ZFHX4: variants seen among roughly 807,000 people sequenced by gnomAD.
ZFHX4 encodes the protein zinc finger homeobox protein 4.
In ZFHX4, 56 loss-of-function variants were observed where a neutral mutation model predicts 267.6. That is an observed-to-expected ratio of 0.21 (90% confidence interval 0.17 to 0.26). ZFHX4 has a LOEUF of 0.26. Ranked by LOEUF, ZFHX4 falls within the 10% of genes least tolerant of loss-of-function variation. The probability of loss-of-function intolerance (pLI) is 1.00; values close to 1 mark genes in which losing one functional copy is unlikely to be tolerated. For synonymous variants in ZFHX4, 1,778 were observed against 1,665.6 expected (o/e 1.07, Z -1.64); for missense variants, 4,332 against 4,420.0 (o/e 0.98, Z 0.56).
At position 76,855,652 on chromosome 8, in the gene ZFHX4, A is replaced by G. The variant is rs759607265; in HGVS notation, c.8731A>G (p.Asn2911Asp). The G allele has an allele frequency of 7.4e-6, 12 of 1,613,758 alleles. No homozygotes were observed. The highest frequency in any genetic ancestry group is 9.3e-6 in the Non-Finnish European group (11 of 1,179,850). The stretch of plus-strand genomic sequence containing the variant: ...CAGCATAGCGGACCCGAGCTCCCCA[A>G]ATCCATTCGGATCCAGCAATCCCTT... ...TSSIADPSSP[N>D]PFGSSNPFKS... is the part of the protein sequence containing the mutation. Residue 2911 changes from asparagine (N) to aspartate (D), a missense_variant, in exon 10 of 11, where the codon AAT (asparagine) becomes GAT (aspartate). By Grantham distance (23) the Asn-to-Asp change is conservative. Around this residue, in one of 7 missense-constraint regions of ZFHX4, gnomAD observed 1,648 missense variants for 1,625.0 expected, o/e 1.01. Coordinates refer to ENST00000651372, the MANE Select transcript of ZFHX4 (RefSeq NM_024721.5).
At chr8:76,835,231 A>ATATATACG (rs1812048010) in intron 5 of ZFHX4, among the ~76,000 whole-genome samples, 4 of 124,790 alleles carry the variant, frequency 3.2e-5, no homozygotes, top group Admixed American at 2.5e-4. Context: ...ATATATATAT[A>ATATATACG]TATATATATG....
At chr8:76,832,002 T>TG (rs5892567) in intron 4 of ZFHX4, among the ~76,000 whole-genome samples, 67,490 of 143,902 alleles carry the variant, frequency 0.47, 16,850 homozygotes, top group African/African-American at 0.66. Context: ...GTTTTTTTAG[T>TG]GGGGGGGGGC....
At chr8:76,819,781 T>G (rs1811600655) in intron 4 of ZFHX4, among the ~76,000 whole-genome samples, 1 of 152,224 alleles carries the variant, frequency 6.6e-6, no homozygotes, top group African/African-American at 2.4e-5. Flanking sequence ...TATTACATTC[T>G]AATTTTGTGG....
intron 4 of ZFHX4, among the ~76,000 whole-genome samples, chr8:76,821,166 T>C (rs1811638844): frequency 6.6e-6 from 1 of 152,122 alleles, no homozygotes; most frequent in Admixed American, 6.6e-5. Context: ...TGCTTCACTC[T>C]CTTCTGCATT....
At position 76,866,817 on chromosome 8, in the gene ZFHX4, A is replaced by AAT. The variant is rs397692769; in HGVS notation, c.*2252_*2253insAT. The AAT allele has an allele frequency of 6.6e-6, 1 of 151,952 alleles. No homozygotes were observed. The highest frequency in any genetic ancestry group is 1.5e-5 in the Non-Finnish European group (1 of 67,878). The allele number at this position is 151,952 out of a possible 1,614,324, so 9.4% of individuals were successfully genotyped here. ...AAAAAAGAAAAAAAAAAGAAAAAAA[A>AAT]CTTTAACTGGATGGACGTTGTTAGG... On this transcript the variant is annotated 3_prime_UTR_variant, in exon 11 of 11. Coordinates refer to ENST00000651372, the MANE Select transcript of ZFHX4 (RefSeq NM_024721.5).
rs1812537517 is a variant in ZFHX4, at chr8:76,851,905, G to A, written c.4984G>A (p.Asp1662Asn). ...SMSLAAVNSKDTHLDAKELNK... is the reference protein window; with the variant it reads ...SMSLAAVNSKNTHLDAKELNK... Reference sequence around the variant, plus strand: ...GAGTTTAGCAGCTGTAAACAGCAAAGATACCCATTTAGATGCCAAAGAATT... The same window carrying A: ...GAGTTTAGCAGCTGTAAACAGCAAAAATACCCATTTAGATGCCAAAGAATT... Residue 1662 changes from aspartate (D) to asparagine (N), a missense_variant, in exon 10 of 11, where the codon GAT (aspartate) becomes AAT (asparagine). By Grantham distance (23) the Asp-to-Asn change is conservative. This residue lies in a region of ZFHX4 where 1,371 missense variants were observed against 1,423.1 expected (regional missense o/e 0.96). Transcript: ENST00000651372. 1.2e-6 allele frequency: 2 copies of A among 1,613,836 alleles called. No homozygotes were observed. Among genetic ancestry groups the A allele is most frequent in the African/African-American group, 2.7e-5 (2 of 74,920 alleles).
intron 3 of ZFHX4, among the ~76,000 whole-genome samples, chr8:76,769,112 A>G (rs1443364933): frequency 6.6e-6 from 1 of 151,986 alleles, no homozygotes; most frequent in Non-Finnish European, 1.5e-5. Context: ...AAATAAAATA[A>G]AGTAGAGGGC....
intron 4 of ZFHX4, among the ~76,000 whole-genome samples, chr8:76,788,425 A>C (rs1810749307): frequency 6.6e-6 from 1 of 152,158 alleles, no homozygotes; most frequent in Admixed American, 6.5e-5. Flanking sequence ...TACATATTGA[A>C]TTTTATTCTT....
At chr8:76,719,436 G>T (rs1247925544) in intron 3 of ZFHX4, among the ~76,000 whole-genome samples, 4 of 151,870 alleles carry the variant, frequency 2.6e-5, no homozygotes, top group African/African-American at 9.7e-5. Flanking sequence ...AAGGATCAGA[G>T]AACAGGATAT....
rs144343404 is a variant in ZFHX4 at position 76,794,474 on chromosome 8, C to A, written c.3325+16035C>A. 4.5e-3 allele frequency among the ~76,000 whole-genome samples: 691 copies of A among 152,186 alleles called. 1 individual carries two copies. The highest frequency in any genetic ancestry group is 0.014 in the Middle Eastern group (4 of 294). On this transcript the variant is annotated intron_variant, in intron 4 of 10. Transcript: ENST00000651372. ...CTCTTTCATGTTTGACCACAGATTT[C>A]TTTTGCTCTGTGGCAACATATCCCC...
At chr8:76,828,771 A>G (rs1402193575) in intron 4 of ZFHX4, among the ~76,000 whole-genome samples, 1 of 152,224 alleles carries the variant, frequency 6.6e-6, no homozygotes, top group Non-Finnish European at 1.5e-5. Flanking sequence ...AATTTAAAAA[A>G]AAGTAAGAGT....
Position 76,851,274 on chromosome 8 carries a change from G to C in ZFHX4, c.4353G>C (p.Leu1451=), listed in dbSNP as rs565768574. ...KKHLEAGHPE[L]SEAELQQLYA... is the part of the protein sequence containing the mutation. ...ACTTGGAAGCAGGCCACCCTGAACT[G>C]AGTGAAGCTGAACTTCAACAGCTAT... is the stretch of plus-strand genomic sequence containing the variant. The change falls in exon 10 of 11, where the codon CTG becomes CTC. Residue 1451 remains leucine (L), a synonymous_variant. Coordinates refer to ENST00000651372, the MANE Select transcript of ZFHX4 (RefSeq NM_024721.5). The C allele has an allele frequency of 4.3e-6, 7 of 1,613,822 alleles. No individual in the cohort carries two copies. The African/African-American group carries it at 6.7e-5, about 15-fold the overall frequency.
rs1812715675 is a variant in ZFHX4, at chr8:76,856,077, G to A, written c.9156G>A (p.Pro3052=). 1.2e-6 allele frequency: 2 copies of A among 1,613,840 alleles called. No homozygotes were observed. Among genetic ancestry groups the A allele is most frequent in the African/African-American group, 1.3e-5 (1 of 74,934 alleles). The change falls in exon 10 of 11, where the codon CCG becomes CCA. Residue 3052 remains proline, a synonymous_variant. Transcript: ENST00000651372. ...ATCGGGAGAAAGATTACTTGGCTCC[G>A]ACCACGGTTCGGCAGCTGATGGCAC... ...QLDREKDYLA[P]TTVRQLMAQQ...
intron 3 of ZFHX4, among the ~76,000 whole-genome samples, chr8:76,777,065 A>AT (rs112170183): frequency 0.13 from 19,965 of 152,064 alleles, 1,851 homozygotes; most frequent in East Asian, 0.3. Flanking sequence ...CCATTTGTGT[A>AT]TTTTTTAAAA....
chr8:76,774,222 G>A (rs1243458124), intron 3 of ZFHX4, among the ~76,000 whole-genome samples: 1 of 152,100 alleles, frequency 6.6e-6, no homozygotes, highest in Non-Finnish European at 1.5e-5. Flanking sequence ...TAAGACGTTT[G>A]TGATTGTTAC....
intron 10 of ZFHX4, among the ~76,000 whole-genome samples, chr8:76,857,293 AT>A (rs960592268): frequency 4.7e-5 from 7 of 150,270 alleles, no homozygotes; most frequent in Non-Finnish European, 8.9e-5. Context: ...ATTATCAATG[AT>A]TTTTTTCTTT....
rs1812559813 is a variant in ZFHX4, at chr8:76,852,459, C to G, written c.5538C>G (p.Cys1846Trp). Residue 1846 changes from cysteine to tryptophan, a missense_variant, in exon 10 of 11, where the codon TGC becomes TGG. By Grantham distance (215) the Cys-to-Trp change is radical (BLOSUM62 -2). This residue lies in a region of ZFHX4 where 1,371 missense variants were observed against 1,423.1 expected (regional missense o/e 0.96). Coordinates refer to ENST00000651372, the MANE Select transcript of ZFHX4 (RefSeq NM_024721.5). ...QEQSNIVSAD[C>W]QIMKDVPSYK... ...AAAGTAACATAGTGAGTGCAGACTG[C>G]CAAATCATGAAGGATGTGCCATCTT... 4.5e-6 allele frequency: 7 copies of G among 1,572,068 alleles called. No homozygotes were observed. The highest frequency in any genetic ancestry group is 6.0e-6 in the Non-Finnish European group (7 of 1,158,336).
At chr8:76,798,306 G>T (rs1394690833) in intron 4 of ZFHX4, among the ~76,000 whole-genome samples, 1 of 152,092 alleles carries the variant, frequency 6.6e-6, no homozygotes, top group African/African-American at 2.4e-5. Flanking sequence ...ATTATGCAAG[G>T]CGAGCATTCA....
At chr8:76,703,411 G>T (rs543288309) in intron 1 of ZFHX4, among the ~76,000 whole-genome samples, 1 of 152,254 alleles carries the variant, frequency 6.6e-6, no homozygotes, top group Non-Finnish European at 1.5e-5. Context: ...AATTGTGATT[G>T]GTGCTTAATC....
Sources: gnomAD v4.1 joint callset for allele counts (sites outside exome capture counted in the v4.1 genomes callset) on GRCh38, gnomAD v4.1.1 for gene constraint, gnomAD v4.1.1 regional missense constraint, MANE v1.5 for transcripts, NCBI Gene and HGNC (gene_info 2026-07-23, HGNC 2026-07-21) for gene names.